TMC1: variants seen among roughly 807,000 people sequenced by gnomAD.
The protein encoded by TMC1 is transmembrane channel-like protein 1.
TMC1 carries 84 observed loss-of-function variants against 105.8 expected under a neutral mutation model. The ratio of observed to expected loss-of-function variants is 0.79; its 90% confidence interval spans 0.67 to 0.95. The LOEUF (loss-of-function observed/expected upper bound fraction) is 0.95, where lower values mean the gene tolerates loss of function less well. Among genes scored for constraint, TMC1 ranks in the 40% least tolerant of loss-of-function variants. The pLI is 0.00. For missense variants in TMC1, 817 were observed against 914.1 expected (o/e 0.89, Z 1.37); for synonymous variants, 315 against 311.5 (o/e 1.01, Z -0.12).
intron 4 of TMC1, among the ~76,000 whole-genome samples, chr9:72,647,141 C>CAA (rs1196322492): frequency 1.6e-4 from 9 of 55,816 alleles, no homozygotes; most frequent in Non-Finnish European, 2.0e-4. Context: ...GACTCCATCT[C>CAA]AAAAAAAAAA....
intron 8 of TMC1, among the ~76,000 whole-genome samples, chr9:72,731,939 G>A (rs1463518201): frequency 6.6e-6 from 1 of 152,168 alleles, no homozygotes; most frequent in Non-Finnish European, 1.5e-5. Flanking sequence ...TTGGTAATTA[G>A]ATGGTGCCCT....
intron 12 of TMC1, among the ~76,000 whole-genome samples, chr9:72,760,507 T>C (rs1827739505): frequency 6.6e-6 from 1 of 152,136 alleles, no homozygotes; most frequent in South Asian, 2.1e-4. Flanking sequence ...GCTATCATTA[T>C]CTAGGTAGAG....
chr9:72,700,390 G>C (rs552404845), intron 7 of TMC1, 128 bp from the exon 8 acceptor site: 1 of 635,742 alleles, frequency 1.6e-6, no homozygotes, highest in Admixed American at 2.9e-5. Flanking sequence ...ATGCTTATGG[G>C]TCCTAATGTT....
chr9:72,809,360 A>C (rs1490223686), intron 18 of TMC1, among the ~76,000 whole-genome samples: 2 of 152,254 alleles, frequency 1.3e-5, no homozygotes, highest in African/African-American at 2.4e-5. Context: ...TTTAGGTCAC[A>C]GAGAAGGAAT....
intron 4 of TMC1, among the ~76,000 whole-genome samples, chr9:72,633,743 A>G (rs1825487625): frequency 6.6e-6 from 1 of 152,190 alleles, no homozygotes; most frequent in Non-Finnish European, 1.5e-5. Flanking sequence ...CACTGCTACT[A>G]CAACTCAACA....
At chr9:72,821,164 T>C (rs1233693540) in intron 20 of TMC1, 83 bp downstream of exon 20, 21 of 1,594,036 alleles carry the variant, frequency 1.3e-5, no homozygotes, top group East Asian at 2.2e-5. Flanking sequence ...TATAAGCTAT[T>C]TTTTCCCCCC....
chr9:72,832,125 AT>A (rs556491838), intron 23 of TMC1, among the ~76,000 whole-genome samples: 5 of 148,796 alleles, frequency 3.4e-5, no homozygotes, highest in East Asian at 2.0e-4. Flanking sequence ...ATAATTTTTA[AT>A]TTTTTTTTTG....
intron 1 of TMC1, among the ~76,000 whole-genome samples, chr9:72,529,163 G>A (rs1051772942): frequency 1.3e-5 from 2 of 149,838 alleles, no homozygotes; most frequent in South Asian, 4.2e-4. Flanking sequence ...CCGGTGGCGG[G>A]TGGGGCGGTG....
chr9:72,831,960 T>TATAAATCA (rs1243828224), intron 23 of TMC1, among the ~76,000 whole-genome samples: 1 of 151,534 alleles, frequency 6.6e-6, no homozygotes, highest in Non-Finnish European at 1.5e-5. Flanking sequence ...CCCAAAGGAT[T>TATAAATCA]TTTTTTCTTT....
chr9:72,772,275 A>T lies in TMC1; in HGVS notation c.742-138A>T, dbSNP rs548759335. The stretch of plus-strand genomic sequence containing the variant: ...AGCTGAAACATTCACTTTATGGAGC[A>T]AAACAATAGGGCTCATGTCAGAGCT... On this transcript the variant is annotated intron_variant, in intron 12 of 23. Coordinates refer to ENST00000297784, the MANE Select transcript of TMC1 (RefSeq NM_138691.3). 8.4e-6 allele frequency: 9 copies of T among 1,071,838 alleles called. No homozygotes were observed. The Admixed American group carries it at 1.6e-4, about 19-fold the overall frequency. 66.4% of individuals were successfully genotyped at this position (1,071,838 alleles called of 1,614,324 possible).
At chr9:72,620,113 G>A (rs1182028599) in intron 3 of TMC1, among the ~76,000 whole-genome samples, 2 of 151,988 alleles carry the variant, frequency 1.3e-5, no homozygotes, top group Admixed American at 1.3e-4. Flanking sequence ...GATTACAGGC[G>A]GGAGCCACTG....
chr9:72,701,924 A>G (rs1356908188), intron 8 of TMC1, among the ~76,000 whole-genome samples: 1 of 152,184 alleles, frequency 6.6e-6, no homozygotes, highest in Non-Finnish European at 1.5e-5. Flanking sequence ...GCTCATGTAC[A>G]CATCCATCAT....
intron 6 of TMC1, among the ~76,000 whole-genome samples, chr9:72,688,966 C>T (rs1232333061): frequency 6.6e-6 from 1 of 152,032 alleles, no homozygotes; most frequent in Non-Finnish European, 1.5e-5. Flanking sequence ...AGACTGTGTT[C>T]CCTTGATTGC....
chr9:72,542,172 A>G (rs905328802), intron 1 of TMC1, among the ~76,000 whole-genome samples: 1 of 151,998 alleles, frequency 6.6e-6, no homozygotes, highest in Non-Finnish European at 1.5e-5. Flanking sequence ...AAATACACAC[A>G]AAAAAGGGCC....
chr9:72,778,757 T>G (rs938480129), intron 13 of TMC1, among the ~76,000 whole-genome samples: 1 of 152,214 alleles, frequency 6.6e-6, no homozygotes, highest in Non-Finnish European at 1.5e-5. Context: ...CAGCCTTTCC[T>G]GAGGTTCATG....
intron 9 of TMC1, chr9:72,741,089 C>T: frequency 6.4e-6 from 1 of 155,868 alleles, no homozygotes; most frequent in Middle Eastern, 3.2e-3. Flanking sequence ...GACATTTGGG[C>T]TGTTTCTAGT....
chr9:72,699,475 T>G (rs1826606326), intron 7 of TMC1, among the ~76,000 whole-genome samples: 1 of 152,186 alleles, frequency 6.6e-6, no homozygotes, highest in African/African-American at 2.4e-5. Context: ...GCTAACAAAA[T>G]TTTTAAGGGC....
intron 3 of TMC1, among the ~76,000 whole-genome samples, chr9:72,627,694 C>T (rs888662410): frequency 2.0e-5 from 3 of 152,088 alleles, no homozygotes; most frequent in African/African-American, 7.2e-5. Flanking sequence ...GACAGAAACG[C>T]AATTAACAGA....
intron 5 of TMC1, among the ~76,000 whole-genome samples, chr9:72,681,376 T>G (rs1429734623): frequency 6.6e-6 from 1 of 152,170 alleles, no homozygotes; most frequent in Non-Finnish European, 1.5e-5. Context: ...GCTATTTATT[T>G]ATTGAATATG....
Sources: allele counts gnomAD v4.1 joint callset (sites outside exome capture counted in the v4.1 genomes callset), GRCh38; gene constraint gnomAD v4.1.1; transcripts MANE v1.5; gene names NCBI Gene and HGNC (gene_info 2026-07-23, HGNC 2026-07-21).